The following SMOC2 variants were observed in gnomAD, a reference collection of about 807,000 sequenced individuals.
The protein encoded by SMOC2 is SPARC related modular calcium binding 2.
SMOC2 carries 39 observed loss-of-function variants against 61.4 expected under a neutral mutation model. The observed-to-expected ratio is 0.64, with a 90% CI of 0.49 to 0.83. The LOEUF is 0.83. SMOC2 is among the 40% of genes least tolerant of loss of function. The pLI is 0.00. For synonymous variants in SMOC2, 247 were observed against 239.9 expected, an observed-to-expected ratio of 1.03 and a Z score of -0.27; for missense variants, 556 against 592.9, an observed-to-expected ratio of 0.94 and a Z score of 0.65.
intron 1 of SMOC2, among the ~76,000 whole-genome samples, chr6:168,507,316 C>G (rs940775902): frequency 6.6e-6 from 1 of 152,204 alleles, no homozygotes; most frequent in African/African-American, 2.4e-5. Context: ...ATTAATAGGG[C>G]CGGCCCCTGT....
intron 9 of SMOC2, among the ~76,000 whole-genome samples, chr6:168,635,983 CTAAT>C (rs1193276643): frequency 1.3e-5 from 2 of 152,172 alleles, no homozygotes; most frequent in East Asian, 1.9e-4. Flanking sequence ...ATTTTGCTCA[CTAAT>C]TAATTTATAT....
intron 9 of SMOC2, among the ~76,000 whole-genome samples, chr6:168,629,992 C>A (rs1786525418): frequency 6.6e-6 from 1 of 152,150 alleles, no homozygotes; most frequent in African/African-American, 2.4e-5. Flanking sequence ...GTGCTGTGAG[C>A]TCCTGCCCCA....
chr6:168,626,932 C>T lies in SMOC2; in HGVS notation c.907+18693C>T, dbSNP rs140072495. Among the ~76,000 whole-genome samples the T allele has an allele frequency of 5.7e-3, 870 of 152,218 alleles. 14 individuals carry two copies. The highest frequency in any genetic ancestry group is 0.02 in the African/African-American group (818 of 41,534). On this transcript the variant is annotated intron_variant, in intron 9 of 12. Transcript: ENST00000356284. ...TTGGCCTGGGTTGGCCTGGACCTGC[C>T]GGGAGAGTCATTCTTCTACCTGCTG...
intron 10 of SMOC2, among the ~76,000 whole-genome samples, chr6:168,652,336 A>G (rs927021214): frequency 3.9e-5 from 6 of 152,192 alleles, no homozygotes; most frequent in African/African-American, 1.4e-4. Context: ...CCCAACAGGC[A>G]GAATCCAGGG....
intron 1 of SMOC2, among the ~76,000 whole-genome samples, chr6:168,483,736 G>A (rs1782264674): frequency 6.6e-6 from 1 of 152,046 alleles, no homozygotes; most frequent in South Asian, 2.1e-4. Context: ...TGTGGTACTG[G>A]CATAAAGACA....
chr6:168,650,646 T>C (rs73244536), intron 9 of SMOC2, 35 bp from the exon 10 acceptor site: 21,762 of 1,584,402 alleles, frequency 0.014, 510 homozygotes, highest in African/African-American at 0.1. Context: ...TTAGGCTTTA[T>C]GAGTTAATTA....
chr6:168,582,898 C>T (rs1050816144), intron 7 of SMOC2, among the ~76,000 whole-genome samples: 2 of 152,114 alleles, frequency 1.3e-5, no homozygotes, highest in African/African-American at 4.8e-5. Flanking sequence ...TTCTTGAACC[C>T]ACTCTTTCCA....
At chr6:168,552,790 C>T (rs996338298) in intron 7 of SMOC2, among the ~76,000 whole-genome samples, 9 of 151,894 alleles carry the variant, frequency 5.9e-5, no homozygotes, top group Non-Finnish European at 8.8e-5. Context: ...CCTTCATACC[C>T]AGGCCAGACT....
chr6:168,457,219 G>A (rs1781605488), intron 1 of SMOC2, among the ~76,000 whole-genome samples: 1 of 152,186 alleles, frequency 6.6e-6, no homozygotes, highest in African/African-American at 2.4e-5. Flanking sequence ...CGTGTGTTTA[G>A]ACACTTTCAA....
intron 2 of SMOC2, among the ~76,000 whole-genome samples, chr6:168,511,614 C>T (rs1783010582): frequency 6.6e-6 from 1 of 152,148 alleles, no homozygotes; most frequent in African/African-American, 2.4e-5. Context: ...AAACATGTGA[C>T]TTTTCCCAGA....
At chr6:168,575,383 A>G (rs1333983112) in intron 7 of SMOC2, among the ~76,000 whole-genome samples, 1 of 152,128 alleles carries the variant, frequency 6.6e-6, no homozygotes, top group East Asian at 1.9e-4. Flanking sequence ...CTCCTAGCAT[A>G]TCTAGTAAAA....
chr6:168,620,984 ACTT>A lies in SMOC2; in HGVS notation c.907+12748_907+12750del, dbSNP rs1347258626. ...CCTGGATGACCAACCAAGGTCGAAA[ACTT>A]CTCAAAACCTGGCTTGTGATGAATA... On this transcript the variant is annotated intron_variant, in intron 9 of 12. Transcript: ENST00000356284. Among the ~76,000 whole-genome samples, 17 of 149,778 alleles carry A rather than the reference ACTT, an allele frequency of 1.1e-4. No individual in the cohort carries two copies. The East Asian group carries it at 3.3e-3, about 29-fold the overall frequency.
At chr6:168,514,209 A>C (rs993808735) in intron 2 of SMOC2, among the ~76,000 whole-genome samples, 1 of 152,208 alleles carries the variant, frequency 6.6e-6, no homozygotes, top group Non-Finnish European at 1.5e-5. Context: ...TTTGGAGACC[A>C]GCTACTCCTT....
At chr6:168,657,121 G>GT in intron 11 of SMOC2, among the ~76,000 whole-genome samples, 1 of 152,372 alleles carries the variant, frequency 6.6e-6, no homozygotes, top group African/African-American at 2.4e-5. Context: ...CACCACTGTG[G>GT]GAAGAGGGGC....
At chr6:168,575,468 G>A (rs573538172) in intron 7 of SMOC2, among the ~76,000 whole-genome samples, 8 of 152,230 alleles carry the variant, frequency 5.3e-5, no homozygotes, top group South Asian at 2.1e-4. Context: ...AGGGTGTGGG[G>A]ACCCTGCAAA....
chr6:168,583,017 GC>G (rs1167989084), intron 7 of SMOC2, among the ~76,000 whole-genome samples: 1 of 152,140 alleles, frequency 6.6e-6, no homozygotes, highest in Non-Finnish European at 1.5e-5. Flanking sequence ...CACAGAGGCT[GC>G]CCAGTCGCAG....
chr6:168,653,040 A>T lies in SMOC2; in HGVS notation c.1097A>T (p.Asp366Val). Residue 366 changes from aspartate (D) to valine (V), a missense_variant, in exon 11 of 13, where the codon GAC becomes GTC. By Grantham distance (152) the Asp-to-Val change is radical. Coordinates refer to ENST00000356284, the MANE Select transcript of SMOC2 (RefSeq NM_001166412.2). ...CTACTGGATAAAAACTCCAGTGGAG[A>T]CATCGGCAAAAAGGAAATCAAACCC... The part of the protein sequence containing the change: ...FKLLDKNSSG[D>V]IGKKEIKPFK... 6.2e-7 allele frequency: 1 copy of T among 1,614,178 alleles called. No individual in the cohort carries two copies. Among genetic ancestry groups the T allele is most frequent in the South Asian group, 1.1e-5 (1 of 91,072 alleles).
At chr6:168,507,288 C>T (rs1380728658) in intron 1 of SMOC2, among the ~76,000 whole-genome samples, 1 of 152,194 alleles carries the variant, frequency 6.6e-6, no homozygotes, top group African/African-American at 2.4e-5. Flanking sequence ...ATCTTTTCAT[C>T]TACAGTAGGA....
At chr6:168,658,045 T>C (rs939018540) in intron 11 of SMOC2, among the ~76,000 whole-genome samples, 1 of 152,184 alleles carries the variant, frequency 6.6e-6, no homozygotes, top group African/African-American at 2.4e-5. Flanking sequence ...TGTTTTGCTC[T>C]TTGAGACTTA....
Sources: allele counts gnomAD v4.1 joint callset (sites outside exome capture counted in the v4.1 genomes callset), GRCh38; gene constraint gnomAD v4.1.1; transcripts MANE v1.5; gene names NCBI Gene and HGNC (gene_info 2026-07-23, HGNC 2026-07-21).